Variants in RSPH14 observed in about 807,000 individuals in gnomAD.
The protein encoded by RSPH14 is rhabdoid tumor deletion region gene 1.
Under a neutral mutation model 26.7 loss-of-function variants are expected in RSPH14, and 20 were observed. The observed-to-expected ratio is 0.75, with a 90% CI of 0.53 to 1.09. The LOEUF (loss-of-function observed/expected upper bound fraction) is 1.09. Ranked by LOEUF, RSPH14 falls within the 50% of genes least tolerant of loss-of-function variation. The pLI, the probability that RSPH14 is intolerant of heterozygous loss-of-function variation, is 0.00. For synonymous variants in RSPH14, 177 were observed against 189.3 expected, an observed-to-expected ratio of 0.93 and a Z score of 0.53; for missense variants, 449 against 457.2, an observed-to-expected ratio of 0.98 and a Z score of 0.16.
chr22:23,161,431 G>A, the RSPH14 span: 20 of 1,357,686 alleles, frequency 1.5e-5, no homozygotes, highest in South Asian at 7.3e-5. Context: ...TGTCAGGGCC[G>A]GCATCCCCTG....
intron 4 of RSPH14, among the ~76,000 whole-genome samples, chr22:23,126,318 C>A (rs2070180740): frequency 6.6e-6 from 1 of 152,172 alleles, no homozygotes; most frequent in African/African-American, 2.4e-5. Context: ...TGCAGAGAAA[C>A]CTCAGGCGCT....
intron 4 of RSPH14, among the ~76,000 whole-genome samples, chr22:23,126,153 C>T (rs977913166): frequency 2.6e-5 from 4 of 152,198 alleles, no homozygotes; most frequent in African/African-American, 4.8e-5. Flanking sequence ...GTAATTTCGC[C>T]GTGAGCATCT....
At chr22:23,142,107 G>C (rs1027972932), upstream of RSPH14, 6 of 879,990 alleles carry the variant, frequency 6.8e-6, no homozygotes, top group African/African-American at 9.1e-5. Flanking sequence ...CCAAGGCTGC[G>C]GCCGGCTGCA....
intron 4 of RSPH14, among the ~76,000 whole-genome samples, chr22:23,064,608 C>A (rs2068164963): frequency 6.6e-6 from 1 of 152,206 alleles, no homozygotes; most frequent in African/African-American, 2.4e-5. Flanking sequence ...CTGGTCTGAC[C>A]AGCCCTGGAG....
intron 4 of RSPH14, among the ~76,000 whole-genome samples, chr22:23,079,752 GGACA>G (rs1336648351): frequency 1.3e-5 from 2 of 152,098 alleles, no homozygotes; most frequent in Non-Finnish European, 2.9e-5. Flanking sequence ...GTAGAATTCT[GGACA>G]GTCAGGGCAA....
the RSPH14 span, chr22:23,162,495 T>C: frequency 5.1e-6 from 2 of 393,132 alleles, no homozygotes; most frequent in African/African-American, 4.1e-5. Context: ...TGTAATGGTG[T>C]CCATGCACCT....
At chr22:23,068,661 A>G (rs1403155003) in intron 4 of RSPH14, among the ~76,000 whole-genome samples, 2 of 152,226 alleles carry the variant, frequency 1.3e-5, no homozygotes, top group Non-Finnish European at 2.9e-5. Context: ...TCTGCAAACA[A>G]TTCAACTCTG....
intron 4 of RSPH14, among the ~76,000 whole-genome samples, chr22:23,065,311 C>A (rs1020501655): frequency 6.6e-6 from 1 of 151,926 alleles, no homozygotes; most frequent in African/African-American, 2.4e-5. Flanking sequence ...TGGCTCTTAC[C>A]GCCCCCCACC....
intron 4 of RSPH14, among the ~76,000 whole-genome samples, chr22:23,130,074 A>G (rs868699232): frequency 1.9e-4 from 6 of 31,342 alleles, no homozygotes; most frequent in Admixed American, 9.2e-4. Context: ...AAAGAAAGAA[A>G]GAAAGAAAGG....
the RSPH14 span, among the ~76,000 whole-genome samples, chr22:23,169,968 G>A: frequency 6.6e-6 from 1 of 151,964 alleles, no homozygotes; most frequent in Non-Finnish European, 1.5e-5. Context: ...ATGGTGGTGT[G>A]TGCCTGTAGT....
chr22:23,167,146 A>C, the RSPH14 span, among the ~76,000 whole-genome samples: 9 of 152,020 alleles, frequency 5.9e-5, no homozygotes, highest in African/African-American at 1.9e-4. Context: ...GTCTAATCCC[A>C]GTGGGAATCT....
chr22:23,112,200 C>A (rs2069676228), intron 4 of RSPH14, among the ~76,000 whole-genome samples: 2 of 152,190 alleles, frequency 1.3e-5, no homozygotes, highest in African/African-American at 4.8e-5. Flanking sequence ...AAAGAGGTTC[C>A]CAGCTGCATT....
At chr22:23,106,625 C>T (rs1226494767) in intron 4 of RSPH14, among the ~76,000 whole-genome samples, 1 of 152,202 alleles carries the variant, frequency 6.6e-6, no homozygotes, top group African/African-American at 2.4e-5. Flanking sequence ...TCTGAAGGCT[C>T]AGGCTGTAGG....
At chr22:23,131,416 G>T (rs865775041) in intron 4 of RSPH14, 1 of 262,852 alleles carries the variant, frequency 3.8e-6, no homozygotes, top group Middle Eastern at 1.4e-3. Context: ...CTCTGGGTGG[G>T]GGGAGGTTCA....
the RSPH14 span, among the ~76,000 whole-genome samples, chr22:23,170,983 T>C: frequency 6.6e-6 from 1 of 152,098 alleles, no homozygotes; most frequent in Admixed American, 6.6e-5. Flanking sequence ...CTTCTTTTTT[T>C]TTCAAGGTGG....
the RSPH14 span, chr22:23,179,940 C>A: frequency 3.5e-6 from 1 of 284,892 alleles, no homozygotes; most frequent in South Asian, 9.7e-5. Flanking sequence ...GGAAGGTGCC[C>A]TCCGCATCGT....
intron 4 of RSPH14, 118 bp downstream of exon 4, chr22:23,133,908 G>A (rs1259971677): frequency 1.4e-6 from 1 of 710,244 alleles, no homozygotes; most frequent in African/African-American, 1.8e-5. Context: ...TTTCTAATAT[G>A]TATGTTGTAA....
At chr22:23,062,642 G>C (rs1331427077) in intron 5 of RSPH14, among the ~76,000 whole-genome samples, 1 of 152,160 alleles carries the variant, frequency 6.6e-6, no homozygotes, top group Non-Finnish European at 1.5e-5. Context: ...AAAGACACAG[G>C]TGTTCCCTGG....
intron 6 of RSPH14, among the ~76,000 whole-genome samples, chr22:23,060,456 C>T (rs1199172617): frequency 8.7e-5 from 13 of 149,696 alleles, no homozygotes; most frequent in East Asian, 2.0e-4. Flanking sequence ...GGCGACAGAG[C>T]GAGACTCCAT....
Sources: allele counts gnomAD v4.1 joint callset (sites outside exome capture counted in the v4.1 genomes callset), GRCh38; gene constraint gnomAD v4.1.1; transcripts MANE v1.5; gene names NCBI Gene and HGNC (gene_info 2026-07-23, HGNC 2026-07-21).